Variants in LINGO2 observed in about 807,000 individuals in gnomAD.
LINGO2 encodes the protein leucine-rich repeat and immunoglobulin-like domain-containing nogo receptor-interacting protein 2.
In LINGO2, 14 loss-of-function variants were observed where a neutral mutation model predicts 30.6. That is an observed-to-expected ratio of 0.46 (90% CI 0.30 to 0.72). LINGO2 has a LOEUF of 0.72. Among genes scored for constraint, LINGO2 ranks in the 30% least tolerant of loss-of-function variants. LINGO2 has a pLI of 0.07. For missense variants in LINGO2, 729 were observed against 751.7 expected, an observed-to-expected ratio of 0.97 and a Z score of 0.35; for synonymous variants, 317 against 288.5, an observed-to-expected ratio of 1.10 and a Z score of -1.00.
intron 5 of LINGO2, among the ~76,000 whole-genome samples, chr9:27,984,159 T>C (rs1343621758): frequency 2.6e-5 from 4 of 151,906 alleles, no homozygotes; most frequent in Non-Finnish European, 5.9e-5. Flanking sequence ...TGAGGAATGC[T>C]AGCTTGAGTA....
chr9:28,544,064 A>T (rs939543246), intron 1 of LINGO2, among the ~76,000 whole-genome samples: 1 of 151,840 alleles, frequency 6.6e-6, no homozygotes, highest in Non-Finnish European at 1.5e-5. Flanking sequence ...TTAGCTGGGC[A>T]TGCTGGCGTC....
At chr9:28,243,648 CA>C (rs202040023) in intron 4 of LINGO2, among the ~76,000 whole-genome samples, 5 of 150,012 alleles carry the variant, frequency 3.3e-5, no homozygotes, top group African/African-American at 9.8e-5. Flanking sequence ...AACAAAAAAA[CA>C]AAAAAAACGG....
At chr9:27,997,946 C>A (rs1160219279) in intron 5 of LINGO2, among the ~76,000 whole-genome samples, 4 of 125,076 alleles carry the variant, frequency 3.2e-5, no homozygotes, top group African/African-American at 1.2e-4. Flanking sequence ...TTCACATGAG[C>A]CTTTTTTTGG....
chr9:28,045,672 C>T (rs541944923), intron 4 of LINGO2, among the ~76,000 whole-genome samples: 4 of 152,136 alleles, frequency 2.6e-5, no homozygotes, highest in East Asian at 1.9e-4. Context: ...GGAATATTGA[C>T]CAAATTAAAC....
the LINGO2 span, among the ~76,000 whole-genome samples, chr9:29,169,100 A>C: frequency 6.6e-6 from 1 of 152,012 alleles, no homozygotes; most frequent in African/African-American, 2.4e-5. Flanking sequence ...GGCATGCACC[A>C]CCGCACCTGG....
At chr9:28,200,993 C>T (rs1370491320) in intron 4 of LINGO2, among the ~76,000 whole-genome samples, 5 of 150,962 alleles carry the variant, frequency 3.3e-5, no homozygotes. Context: ...CTGACAGATT[C>T]AGCTTTTTTT....
exon 6 of LINGO2, chr9:27,950,666 A>ACCACCG: frequency 7.3e-6 from 11 of 1,507,988 alleles, no homozygotes; most frequent in South Asian, 4.1e-5. Flanking sequence ...TGGCCGTGTG[A>ACCACCG]AGCATGACTC....
At chr9:28,066,549 G>C (rs548955925) in intron 4 of LINGO2, among the ~76,000 whole-genome samples, 1 of 152,170 alleles carries the variant, frequency 6.6e-6, no homozygotes, top group South Asian at 2.1e-4. Context: ...TTCTTATGAG[G>C]ACTGAACCAG....
the LINGO2 span, among the ~76,000 whole-genome samples, chr9:29,141,782 T>TA: frequency 6.5e-3 from 985 of 151,444 alleles, 15 homozygotes; most frequent in African/African-American, 0.019. Flanking sequence ...AGATTTGAGG[T>TA]AAAAAAACTG....
intron 3 of LINGO2, among the ~76,000 whole-genome samples, chr9:28,335,134 C>T (rs1825549220): frequency 1.3e-5 from 2 of 152,190 alleles, no homozygotes; most frequent in Non-Finnish European, 2.9e-5. Context: ...GATCTACACT[C>T]TCCATCTCTT....
At chr9:29,040,846 AT>A in the LINGO2 span, among the ~76,000 whole-genome samples, 2 of 152,034 alleles carry the variant, frequency 1.3e-5, no homozygotes, top group African/African-American at 4.8e-5. Context: ...CATGAATTAG[AT>A]TACATACAAA....
chr9:28,970,227 A>C, the LINGO2 span, among the ~76,000 whole-genome samples: 1 of 152,148 alleles, frequency 6.6e-6, no homozygotes, highest in South Asian at 2.1e-4. Flanking sequence ...GAGACATGCT[A>C]CTGAAGGGCC....
rs189053452 is a variant in LINGO2, at chr9:28,298,418, C to T, written c.-245-3052G>A. 2.0e-5 allele frequency among the ~76,000 whole-genome samples: 3 copies of T among 150,920 alleles called. No homozygotes were observed. The East Asian group carries it at 5.9e-4, about 29-fold the overall frequency. Reference sequence around the variant, plus strand: ...CAGTGGCTCACACCTGTAATCCCAGCACTTTGGGAGGCTGAGGGGTGGATC... The same window carrying T: ...CAGTGGCTCACACCTGTAATCCCAGTACTTTGGGAGGCTGAGGGGTGGATC... On this transcript the variant is annotated intron_variant, in intron 3 of 5. Coordinates refer to ENST00000379992, the Ensembl canonical transcript of LINGO2.
chr9:28,168,532 T>C (rs911645589), intron 4 of LINGO2, among the ~76,000 whole-genome samples: 5 of 152,242 alleles, frequency 3.3e-5, no homozygotes, highest in Admixed American at 3.3e-4. Context: ...GGTGTTATTG[T>C]TTCATTTATT....
At chr9:29,052,071 G>C in the LINGO2 span, among the ~76,000 whole-genome samples, 1 of 152,044 alleles carries the variant, frequency 6.6e-6, no homozygotes, top group Admixed American at 6.6e-5. Flanking sequence ...ATTTCCTATG[G>C]TTCAACTTAA....
chr9:28,702,812 T>TA, the LINGO2 span, among the ~76,000 whole-genome samples: 3 of 151,944 alleles, frequency 2.0e-5, no homozygotes, highest in African/African-American at 7.2e-5. Flanking sequence ...CAATTTCATA[T>TA]ATATAGGCTT....
At chr9:28,397,655 C>G (rs1310917349) in intron 2 of LINGO2, among the ~76,000 whole-genome samples, 1 of 148,024 alleles carries the variant, frequency 6.8e-6, no homozygotes, top group Non-Finnish European at 1.5e-5. Flanking sequence ...TCACACCATT[C>G]TCCTGCCTCA....
intron 4 of LINGO2, among the ~76,000 whole-genome samples, chr9:28,246,942 C>A (rs1822023995): frequency 6.6e-6 from 1 of 151,938 alleles, no homozygotes; most frequent in Non-Finnish European, 1.5e-5. Flanking sequence ...TCAAAGTGGG[C>A]AAAGGATATG....
At chr9:28,383,209 T>C (rs1219661490) in intron 2 of LINGO2, among the ~76,000 whole-genome samples, 1 of 151,828 alleles carries the variant, frequency 6.6e-6, no homozygotes, top group Non-Finnish European at 1.5e-5. Flanking sequence ...CTAGCAGCAC[T>C]CACTCTTTCA....
Sources: allele counts gnomAD v4.1 joint callset (sites outside exome capture counted in the v4.1 genomes callset), GRCh38; gene constraint gnomAD v4.1.1; transcripts MANE v1.5; gene names NCBI Gene and HGNC (gene_info 2026-07-23, HGNC 2026-07-21).